ZXDC: variants seen among roughly 807,000 people sequenced by gnomAD.
The protein encoded by ZXDC is ZXD family zinc finger C.
Under a neutral mutation model 63.6 loss-of-function variants are expected in ZXDC, and 58 were observed. That is an observed-to-expected ratio of 0.91 (90% CI 0.74 to 1.13). The LOEUF is 1.13. ZXDC is among the 50% of genes most tolerant of loss of function. ZXDC has a pLI of 0.00. For synonymous variants in ZXDC, 561 were observed against 496.1 expected (o/e 1.13, Z -1.74); for missense variants, 1,133 against 1,148.9 (o/e 0.99, Z 0.20).
At chr3:126,457,705 T>A in intron 7 of ZXDC, 1 of 953,892 alleles carries the variant, frequency 1.0e-6, no homozygotes, top group East Asian at 1.2e-4. Flanking sequence ...ATGTCCCAGC[T>A]ATAAGTAAGA....
intron 4 of ZXDC, among the ~76,000 whole-genome samples, chr3:126,466,665 A>C (rs1687464): frequency 0.61 from 92,856 of 152,104 alleles, 28,896 homozygotes; most frequent in South Asian, 0.74. Flanking sequence ...TATTCAGTTG[A>C]AAACAATTTA....
intron 7 of ZXDC, among the ~76,000 whole-genome samples, chr3:126,446,987 C>G (rs1933907133): frequency 6.6e-6 from 1 of 152,192 alleles, no homozygotes; most frequent in African/African-American, 2.4e-5. Flanking sequence ...ATGACCAGCC[C>G]TGCCTGTGCT....
chr3:126,460,922 C>T (rs1048577042), intron 6 of ZXDC: 1 of 985,266 alleles, frequency 1.0e-6, no homozygotes, highest in African/African-American at 1.7e-5. Context: ...TCATTCCCAT[C>T]TAGGTCAGGA....
At chr3:126,451,048 A>T (rs1024746539) in intron 7 of ZXDC, 2 of 764,238 alleles carry the variant, frequency 2.6e-6, no homozygotes, top group Non-Finnish European at 1.6e-6. Flanking sequence ...ACTCAAGGCC[A>T]CTCCTCATCA....
intron 7 of ZXDC, among the ~76,000 whole-genome samples, chr3:126,449,426 C>T (rs1201251703): frequency 6.6e-6 from 1 of 152,156 alleles, no homozygotes. Flanking sequence ...TCCTCACAAC[C>T]ACCCTACAAA....
rs569676697 is a variant in ZXDC at position 126,466,371 on chromosome 3, G to A, written c.1271-46C>T. 2.5e-6 allele frequency: 4 copies of A among 1,610,678 alleles called. No individual in the cohort carries two copies. The South Asian group carries it at 3.3e-5, about 13-fold the overall frequency. Reference sequence around the variant, plus strand: ...AGAGTGAAACCCAAGGATCACCAAGGAACCAGGAACAAGTGACACTTCCCC... The same window carrying A: ...AGAGTGAAACCCAAGGATCACCAAGAAACCAGGAACAAGTGACACTTCCCC... On this transcript the variant is annotated intron_variant, in intron 4 of 9. Coordinates refer to ENST00000389709, the MANE Select transcript of ZXDC (RefSeq NM_025112.5).
intron 1 of ZXDC, among the ~76,000 whole-genome samples, chr3:126,472,788 C>T (rs776101504): frequency 1.3e-5 from 2 of 152,210 alleles, no homozygotes; most frequent in Admixed American, 1.3e-4. Context: ...CTGACACCCT[C>T]CAACTGCCAG....
intron 7 of ZXDC, chr3:126,454,116 T>C: frequency 1.0e-6 from 1 of 954,478 alleles, no homozygotes; most frequent in Non-Finnish European, 1.2e-6. Context: ...CCCTAATTTG[T>C]TCCATTTAAT....
intron 7 of ZXDC, among the ~76,000 whole-genome samples, chr3:126,452,743 T>TC (rs1491418394): frequency 8.2e-6 from 1 of 122,116 alleles, no homozygotes; most frequent in Non-Finnish European, 1.9e-5. Flanking sequence ...CTGCAGTTTT[T>TC]CTTTTTTTTT....
intron 7 of ZXDC, chr3:126,450,384 C>A (rs1287826569): frequency 2.2e-6 from 1 of 456,718 alleles, no homozygotes; most frequent in African/African-American, 2.0e-5. Context: ...GCTTAGAGAT[C>A]CACGCACCCT....
At chr3:126,456,267 T>C (rs1209945285) in intron 7 of ZXDC, among the ~76,000 whole-genome samples, 1 of 152,230 alleles carries the variant, frequency 6.6e-6, no homozygotes, top group Non-Finnish European at 1.5e-5. Flanking sequence ...TCCTGGGAGA[T>C]CTCTAGACCC....
chr3:126,441,462 C>T (rs372759325), intron 8 of ZXDC: 25 of 1,173,636 alleles, frequency 2.1e-5, no homozygotes, highest in African/African-American at 2.1e-4. Context: ...CTGGGGGCCT[C>T]GGGCAGGGAG....
intron 8 of ZXDC, 82 bp from the exon 9 acceptor site, chr3:126,439,809 C>T: frequency 6.8e-7 from 1 of 1,478,772 alleles, no homozygotes; most frequent in East Asian, 2.5e-5. Flanking sequence ...AAGTCTCCTC[C>T]AGCTGCAATG....
rs1935203555 is a variant in ZXDC at position 126,475,797 on chromosome 3, C to A, written c.69G>T (p.Pro23=). The A allele has an allele frequency of 1.8e-6, 2 of 1,092,892 alleles. No individual in the cohort carries two copies. The highest frequency in any genetic ancestry group is 2.2e-6 in the Non-Finnish European group (2 of 900,678). 67.7% of individuals were successfully genotyped at this position (1,092,892 alleles called of 1,614,324 possible). Residue 23 remains proline, a synonymous_variant, in exon 1 of 10, where the codon CCG becomes CCT. Transcript: ENST00000389709. ...RGGQHGGGPG[P]LRRAPAPLGA... ...CGAGCGGCGCTGGGGCTCGGCGGAG[C>A]GGGCCGGGGCCGCCGCCATGTTGCC...
intron 1 of ZXDC, among the ~76,000 whole-genome samples, chr3:126,474,134 G>A (rs1393318778): frequency 6.7e-6 from 1 of 148,470 alleles, no homozygotes; most frequent in African/African-American, 2.5e-5. Flanking sequence ...GCGCGATCTC[G>A]GCTCACTGCA....
chr3:126,475,347 G>A lies in ZXDC; in HGVS notation c.519C>T (p.Pro173=), dbSNP rs1484080091. Residue 173 remains proline (P), a synonymous_variant, in exon 1 of 10, where the codon CCC becomes CCT. Coordinates refer to ENST00000389709, the MANE Select transcript of ZXDC (RefSeq NM_025112.5). ...ACTGCGGCTCGGGGCAGCGGTAGCCGGGCGTGCTGGGGCCGGAGGCCTGGG... is the reference window on the plus strand; with the variant it reads ...ACTGCGGCTCGGGGCAGCGGTAGCCAGGCGTGCTGGGGCCGGAGGCCTGGG... The part of the protein sequence containing the change: ...RAPQASGPST[P]GYRCPEPQCA... 4 of 1,506,962 alleles carry A rather than the reference G, an allele frequency of 2.7e-6. No individual in the cohort carries two copies. The highest frequency in any genetic ancestry group is 5.0e-5 in the East Asian group (2 of 40,064). 93.3% of individuals were successfully genotyped at this position (1,506,962 alleles called of 1,614,324 possible). A position where few individuals can be genotyped will look rare whatever the true frequency, so the allele number is the denominator to read the frequency against.
intron 7 of ZXDC, among the ~76,000 whole-genome samples, chr3:126,444,276 T>A (rs1933790447): frequency 6.6e-6 from 1 of 152,236 alleles, no homozygotes. Flanking sequence ...CTCACGCCTG[T>A]AATCCCAGCG....
chr3:126,447,772 C>CT (rs2107633308), intron 7 of ZXDC, among the ~76,000 whole-genome samples: 1 of 152,364 alleles, frequency 6.6e-6, no homozygotes, highest in South Asian at 2.1e-4. Flanking sequence ...TCTGTGGACC[C>CT]TGCACGTCTC....
intron 9 of ZXDC, among the ~76,000 whole-genome samples, chr3:126,439,207 T>G (rs145025633): frequency 4.6e-5 from 7 of 152,396 alleles, no homozygotes; most frequent in African/African-American, 1.7e-4. Context: ...GGCAAACTGT[T>G]AGAAATGTGA....
Sources: gnomAD v4.1 joint callset for allele counts (sites outside exome capture counted in the v4.1 genomes callset) on GRCh38, gnomAD v4.1.1 for gene constraint, MANE v1.5 for transcripts, NCBI Gene and HGNC (gene_info 2026-07-23, HGNC 2026-07-21) for gene names.